PKD1L1: variants seen among roughly 807,000 people sequenced by gnomAD.
The protein encoded by PKD1L1 is polycystin 1 like 1, transient receptor potential channel interacting.
A neutral mutation model predicts 323.4 loss-of-function variants in PKD1L1; 236 were observed. That is an observed-to-expected ratio of 0.73 (90% CI 0.66 to 0.81). PKD1L1 has a LOEUF of 0.81. PKD1L1 is among the 40% of genes least tolerant of loss of function. PKD1L1 has a pLI of 0.00. For synonymous variants in PKD1L1, 1,344 were observed against 1,335.0 expected, an observed-to-expected ratio of 1.01 and a Z score of -0.15; for missense variants, 3,320 against 3,508.0, an observed-to-expected ratio of 0.95 and a Z score of 1.35.
In PKD1L1 at chr7:47,830,124, C is replaced by T. The variant is rs200378744; in HGVS notation, c.6474G>A (p.Arg2158=). 1.5e-5 allele frequency: 25 copies of T among 1,613,732 alleles called. No individual in the cohort carries two copies. In the African/African-American group the frequency reaches 3.2e-4, roughly 21 times the overall value. Residue 2158 remains arginine, a splice_region_variant and synonymous_variant, in exon 43 of 57, where the codon AGG becomes AGA. Transcript: ENST00000289672. Reference sequence around the variant, plus strand: ...ACTGCACACATTGCTCCTGGCCAAACCTGCCCCCAGGGAAAGTGCAGTGGT... The same window carrying T: ...ACTGCACACATTGCTCCTGGCCAAATCTGCCCCCAGGGAAAGTGCAGTGGT... ...CSLGTGFLAY[R]FGQEQCVQWL...
Position 47,896,321 on chromosome 7 carries a change from C to T in PKD1L1, c.2271+1667G>A, listed in dbSNP as rs185697304. ...CTCCAGCCTGGGCAACAGAGTGAGA[C>T]CCTGTCTCAAAAAAAAAAAAAAAAA... On this transcript the variant is annotated intron_variant, in intron 14 of 56. Transcript: ENST00000289672. 3.3e-3 allele frequency among the ~76,000 whole-genome samples: 455 copies of T among 136,002 alleles called. 5 individuals are homozygous for T. Among genetic ancestry groups the T allele is most frequent in the African/African-American group, 0.013 (432 of 34,174 alleles). The allele number at this position is 136,002 out of a possible 152,430, so 89.2% of individuals were successfully genotyped here.
intron 47 of PKD1L1, 33 bp from the exon 48 acceptor site, chr7:47,814,047 T>A (rs1784963321): frequency 6.3e-7 from 1 of 1,587,598 alleles, no homozygotes; most frequent in Admixed American, 1.7e-5. Context: ...GAGGACTGGG[T>A]GTGCTGTGGA....
chr7:47,835,958 G>C (rs1329029765), intron 37 of PKD1L1, among the ~76,000 whole-genome samples: 1 of 152,096 alleles, frequency 6.6e-6, no homozygotes, highest in Admixed American at 6.5e-5. Flanking sequence ...ATCCAGCAAG[G>C]CATCAACCCA....
At chr7:47,916,130 A>G (rs904845135) in intron 7 of PKD1L1, among the ~76,000 whole-genome samples, 3 of 152,230 alleles carry the variant, frequency 2.0e-5, no homozygotes, top group Non-Finnish European at 4.4e-5. Flanking sequence ...ACTGCACAAA[A>G]ATCAATGACT....
At chr7:47,779,186 T>G (rs1196603750) in intron 56 of PKD1L1, among the ~76,000 whole-genome samples, 1 of 152,212 alleles carries the variant, frequency 6.6e-6, no homozygotes, top group African/African-American at 2.4e-5. Flanking sequence ...CAGACACTGC[T>G]GATGGCAGAT....
In PKD1L1 at chr7:47,815,370, C is replaced by G; in HGVS notation, c.7053G>C (p.Pro2351=). Reference sequence around the variant, plus strand: ...GCACACGGGCTGACGGGGTGCCTCCCGGGTACAGGCCATCCAGAAGTGTGG... The same window carrying G: ...GCACACGGGCTGACGGGGTGCCTCCGGGGTACAGGCCATCCAGAAGTGTGG... ...SLTTLLDGLY[P]GGTPSARVPG... Residue 2351 remains proline (P), a synonymous_variant, in exon 47 of 57, where the codon CCG becomes CCC. Transcript: ENST00000289672. 1 of 1,614,144 alleles carries G rather than the reference C, an allele frequency of 6.2e-7. No individual in the cohort carries two copies. The highest frequency in any genetic ancestry group is 1.1e-5 in the South Asian group (1 of 91,084).
upstream of PKD1L1, among the ~76,000 whole-genome samples, chr7:47,950,865 G>A (rs1788194854): frequency 1.3e-5 from 2 of 152,182 alleles, no homozygotes; most frequent in African/African-American, 2.4e-5. Flanking sequence ...CGGGCAGTGC[G>A]GCCAGCATTG....
intron 23 of PKD1L1, among the ~76,000 whole-genome samples, chr7:47,875,050 T>C (rs1326069297): frequency 6.6e-6 from 1 of 152,236 alleles, no homozygotes; most frequent in South Asian, 2.1e-4. Context: ...GCTGAGGCCC[T>C]GGCCCAAGGT....
chr7:47,896,793 G>A (rs1405580932), intron 14 of PKD1L1, among the ~76,000 whole-genome samples: 1 of 152,044 alleles, frequency 6.6e-6, no homozygotes, highest in African/African-American at 2.4e-5. Flanking sequence ...CAGGTCAGAT[G>A]CTCCCCACCA....
At chr7:47,843,282 T>A (rs948743814) in intron 33 of PKD1L1, 113 bp from the exon 34 acceptor site, 6 of 794,890 alleles carry the variant, frequency 7.5e-6, no homozygotes, top group Non-Finnish European at 1.2e-5. Flanking sequence ...TGGGCTTCAC[T>A]GATACATTTT....
intron 13 of PKD1L1, among the ~76,000 whole-genome samples, chr7:47,901,350 A>C (rs964474253): frequency 2.0e-5 from 3 of 149,368 alleles, no homozygotes; most frequent in African/African-American, 7.5e-5. Context: ...AAAAAAAAAG[A>C]AAAGAAAAAA....
intron 52 of PKD1L1, among the ~76,000 whole-genome samples, chr7:47,805,095 AC>A (rs1784749577): frequency 3.3e-5 from 3 of 91,190 alleles, no homozygotes; most frequent in African/African-American, 1.3e-4. Flanking sequence ...ATACACACAC[AC>A]ACACACACAC....
At chr7:47,845,407 C>T (rs1785645316) in intron 32 of PKD1L1, among the ~76,000 whole-genome samples, 1 of 152,212 alleles carries the variant, frequency 6.6e-6, no homozygotes, top group Admixed American at 6.5e-5. Flanking sequence ...GTCCCAGTCA[C>T]AGCCTAGCTG....
Position 47,889,016 on chromosome 7 carries a change from C to T in PKD1L1, c.2676-866G>A, listed in dbSNP as rs147618367. ...CGTCTCAGACCAAGGCCTAAGCACT[C>T]GACTCCCAGCACAGGGCTGAGGAGC... On this transcript the variant is annotated intron_variant, in intron 16 of 56. Transcript: ENST00000289672. Among the ~76,000 whole-genome samples the T allele has an allele frequency of 4.3e-4, 65 of 152,262 alleles. 2 individuals are homozygous for T. The highest frequency in any genetic ancestry group is 1.4e-3 in the African/African-American group (60 of 41,552).
At chr7:47,793,878 G>C (rs952001399) in intron 55 of PKD1L1, among the ~76,000 whole-genome samples, 4 of 152,160 alleles carry the variant, frequency 2.6e-5, no homozygotes, top group Admixed American at 6.5e-5. Flanking sequence ...GAACTTGTTG[G>C]GAACTGGAGC....
chr7:47,809,455 T>C lies in PKD1L1; in HGVS notation c.7686+18A>G. 2 of 1,504,234 alleles carry C rather than the reference T, an allele frequency of 1.3e-6. No homozygotes were observed. The highest frequency in any genetic ancestry group is 3.5e-4 in the Middle Eastern group (2 of 5,790). The allele number at this position is 1,504,234 out of a possible 1,614,324, so 93.2% of individuals were successfully genotyped here. The stretch of plus-strand genomic sequence containing the variant: ...TTTATTGTTATTTTTCAAAAGAAAA[T>C]GACACAAGAGAGGCTACCTCCAGCC... On this transcript the variant is annotated intron_variant, in intron 51 of 56. Coordinates refer to ENST00000289672, the MANE Select transcript of PKD1L1 (RefSeq NM_138295.5).
At chr7:47,960,401 A>G in the PKD1L1 span, among the ~76,000 whole-genome samples, 21 of 146,432 alleles carry the variant, frequency 1.4e-4, 1 homozygote, top group Middle Eastern at 3.5e-3. Context: ...AAAACTGTAA[A>G]AAAGAAAAAA....
chr7:47,952,285 G>A (rs1158352952), upstream of PKD1L1, among the ~76,000 whole-genome samples: 2 of 152,172 alleles, frequency 1.3e-5, no homozygotes, highest in African/African-American at 4.8e-5. Flanking sequence ...ACCAAGGAGA[G>A]CAGGGGCAAG....
intron 17 of PKD1L1, among the ~76,000 whole-genome samples, chr7:47,887,178 T>C (rs996442441): frequency 1.3e-5 from 2 of 152,234 alleles, no homozygotes; most frequent in African/African-American, 4.8e-5. Context: ...TGTCTTCATG[T>C]ATCTGTGGCC....
Sources: allele counts gnomAD v4.1 joint callset (sites outside exome capture counted in the v4.1 genomes callset), GRCh38; gene constraint gnomAD v4.1.1; transcripts MANE v1.5; gene names NCBI Gene and HGNC (gene_info 2026-07-23, HGNC 2026-07-21).